Variants in LAMC1 observed in about 807,000 individuals in gnomAD.
LAMC1 encodes laminin subunit gamma-1.
Under a neutral mutation model 173.6 loss-of-function variants are expected in LAMC1, and 38 were observed. The observed-to-expected ratio is 0.22, with a 90% CI of 0.17 to 0.29. The LOEUF (loss-of-function observed/expected upper bound fraction) is 0.29, where lower values mean the gene tolerates loss of function less well. Among genes scored for constraint, LAMC1 ranks in the 10% least tolerant of loss-of-function variants. The pLI is 1.00. For missense variants in LAMC1, 1,824 were observed against 2,051.8 expected (o/e 0.89, Z 2.14); for synonymous variants, 746 against 749.1 (o/e 1.00, Z 0.07).
At chr1:183,088,663 A>G (rs1655492515) in intron 1 of LAMC1, among the ~76,000 whole-genome samples, 1 of 152,272 alleles carries the variant, frequency 6.6e-6, no homozygotes, top group African/African-American at 2.4e-5. Flanking sequence ...ACACAAAAGA[A>G]TAAATACTCA....
At chr1:183,115,717 G>A in intron 6 of LAMC1, 80 bp downstream of exon 6, 1 of 954,462 alleles carries the variant, frequency 1.0e-6, no homozygotes, top group Non-Finnish European at 1.7e-6. Context: ...ATGGCTTATT[G>A]GCAGCAGGGT....
intron 11 of LAMC1, 94 bp downstream of exon 11, chr1:183,118,240 A>G (rs1558053932): frequency 8.5e-6 from 6 of 707,584 alleles, no homozygotes; most frequent in Admixed American, 2.4e-5. Context: ...CTAATAATAT[A>G]ACACTGAGAA....
At chr1:183,034,459 G>T (rs1653924161) in intron 1 of LAMC1, among the ~76,000 whole-genome samples, 1 of 152,266 alleles carries the variant, frequency 6.6e-6, no homozygotes, top group East Asian at 1.9e-4. Context: ...TTTTAGTAGA[G>T]TCGGGGTTTT....
chr1:183,060,360 C>T (rs1000350939), intron 1 of LAMC1, among the ~76,000 whole-genome samples: 1 of 150,756 alleles, frequency 6.6e-6, no homozygotes, highest in African/African-American at 2.4e-5. Flanking sequence ...CAAGGCCAGC[C>T]TGGGCTACAT....
At chr1:183,121,072 G>A (rs1448357832) in intron 11 of LAMC1, among the ~76,000 whole-genome samples, 1 of 152,014 alleles carries the variant, frequency 6.6e-6, no homozygotes, top group Non-Finnish European at 1.5e-5. Flanking sequence ...TTTTCACATT[G>A]GTGGGGACTG....
chr1:183,116,801 A>C lies in LAMC1; in HGVS notation c.1462A>C (p.Asn488His), dbSNP rs1656336205. 1 of 1,614,086 alleles carries C rather than the reference A, an allele frequency of 6.2e-7. No homozygotes were observed. Among genetic ancestry groups the C allele is most frequent in the African/African-American group, 1.3e-5 (1 of 75,050 alleles). ...KPGFFNLESSNPRGCTPCFCF... is the reference protein window; with the variant it reads ...KPGFFNLESSHPRGCTPCFCF... ...TGGATTTTTTAATCTGGAATCATCT[A>C]ATCCTCGGGGTTGCACACCCTGCTT... The change falls in exon 8 of 28, where the codon AAT becomes CAT. Residue 488 changes from asparagine to histidine, a missense_variant. By Grantham distance (68) the Asn-to-His change is moderately conservative. Transcript: ENST00000258341.
intron 1 of LAMC1, among the ~76,000 whole-genome samples, chr1:183,087,817 C>CTT (rs111291713): frequency 1.4e-5 from 2 of 143,582 alleles, no homozygotes; most frequent in South Asian, 2.2e-4. Flanking sequence ...CTTTTCTTTC[C>CTT]TTTTTTTTTT....
chr1:183,110,739 T>A, intron 4 of LAMC1, 85 bp downstream of exon 4: 2 of 1,378,582 alleles, frequency 1.5e-6, no homozygotes, highest in South Asian at 2.7e-5. Flanking sequence ...CTTTTATTCC[T>A]CCTTGAAAGG....
intron 1 of LAMC1, among the ~76,000 whole-genome samples, chr1:183,083,352 A>G (rs758699261): frequency 6.6e-6 from 1 of 152,210 alleles, no homozygotes; most frequent in Non-Finnish European, 1.5e-5. Flanking sequence ...GCATCCTTCC[A>G]TCTGGGTGAA....
intron 1 of LAMC1, among the ~76,000 whole-genome samples, chr1:183,046,608 C>G: frequency 6.6e-6 from 1 of 151,926 alleles, no homozygotes; most frequent in East Asian, 1.9e-4. Flanking sequence ...CACTTTCTAA[C>G]TCTTTTGTCA....
intron 3 of LAMC1, among the ~76,000 whole-genome samples, chr1:183,109,957 A>G (rs1325569013): frequency 1.3e-5 from 2 of 152,206 alleles, no homozygotes; most frequent in Admixed American, 1.3e-4. Context: ...AATACTTTAA[A>G]ATCATTATGG....
chr1:183,127,799 T>G (rs1316539843), intron 17 of LAMC1, among the ~76,000 whole-genome samples: 1 of 152,014 alleles, frequency 6.6e-6, no homozygotes, highest in East Asian at 1.9e-4. Flanking sequence ...GCAGAGGGTG[T>G]GTTCTGTTTT....
intron 1 of LAMC1, among the ~76,000 whole-genome samples, chr1:183,047,012 C>G (rs1354081346): frequency 6.6e-6 from 1 of 152,060 alleles, no homozygotes; most frequent in African/African-American, 2.4e-5. Context: ...TTTCTTTCAG[C>G]TTAGTTTTCA....
chr1:183,066,828 A>G (rs1308864199), intron 1 of LAMC1, among the ~76,000 whole-genome samples: 1 of 152,194 alleles, frequency 6.6e-6, no homozygotes, highest in Non-Finnish European at 1.5e-5. Context: ...TAGGGAAGGG[A>G]TAGCATTAGG....
At chr1:183,057,580 G>A (rs1571413593) in intron 1 of LAMC1, among the ~76,000 whole-genome samples, 1 of 152,170 alleles carries the variant, frequency 6.6e-6, no homozygotes, top group South Asian at 2.1e-4. Context: ...GGCCAGCATG[G>A]TGAAACCCCG....
At chr1:183,067,942 G>A (rs1296776447) in intron 1 of LAMC1, among the ~76,000 whole-genome samples, 1 of 152,164 alleles carries the variant, frequency 6.6e-6, no homozygotes, top group Admixed American at 6.5e-5. Context: ...AAAATGAATG[G>A]TGAAAAGAGA....
At chr1:183,108,450 T>G (rs1656050597) in intron 3 of LAMC1, 44 bp downstream of exon 3, 1 of 1,568,850 alleles carries the variant, frequency 6.4e-7, no homozygotes, top group Non-Finnish European at 8.7e-7. Flanking sequence ...TTGGAGCTTT[T>G]GCATAGAGGT....
intron 1 of LAMC1, among the ~76,000 whole-genome samples, chr1:183,082,094 T>C (rs1252864180): frequency 6.6e-6 from 1 of 152,258 alleles, no homozygotes; most frequent in East Asian, 1.9e-4. Context: ...CACTGGATAA[T>C]ATTCCATTGT....
At chr1:183,053,419 GT>G (rs1553253646) in intron 1 of LAMC1, among the ~76,000 whole-genome samples, 2 of 146,954 alleles carry the variant, frequency 1.4e-5, no homozygotes, top group Admixed American at 6.7e-5. Context: ...TTTTGTGTGT[GT>G]TTTTTTTTTT....
Sources: allele counts gnomAD v4.1 joint callset (sites outside exome capture counted in the v4.1 genomes callset), GRCh38; gene constraint gnomAD v4.1.1; transcripts MANE v1.5; gene names NCBI Gene and HGNC (gene_info 2026-07-23, HGNC 2026-07-21).